KCNB2: variants seen among roughly 807,000 people sequenced by gnomAD.
The protein encoded by KCNB2 is delayed rectifier potassium channel protein.
Under a neutral mutation model 61.5 loss-of-function variants are expected in KCNB2, and 15 were observed. The ratio of observed to expected loss-of-function variants is 0.24; its 90% CI spans 0.16 to 0.38. The LOEUF is 0.38. Ranked by LOEUF, KCNB2 falls within the 10% of genes least tolerant of loss-of-function variation. KCNB2 has a pLI of 1.00. For synonymous variants in KCNB2, 457 were observed against 446.0 expected, an observed-to-expected ratio of 1.02 and a Z score of -0.31; for missense variants, 828 against 1,125.2, an observed-to-expected ratio of 0.74 and a Z score of 3.78.
chr8:72,884,476 T>C (rs942613241), intron 2 of KCNB2, among the ~76,000 whole-genome samples: 3 of 152,128 alleles, frequency 2.0e-5, no homozygotes, highest in African/African-American at 7.2e-5. Context: ...AGTTTGTTAA[T>C]ACCTTGCTTT....
intron 2 of KCNB2, among the ~76,000 whole-genome samples, chr8:72,631,452 A>G (rs1315465671): frequency 6.6e-6 from 1 of 152,066 alleles, no homozygotes; most frequent in African/African-American, 2.4e-5. Context: ...TCATCTTCAC[A>G]TGGTGTTCTT....
At chr8:72,717,326 C>T (rs1299866832) in intron 2 of KCNB2, among the ~76,000 whole-genome samples, 11 of 152,158 alleles carry the variant, frequency 7.2e-5, no homozygotes, top group East Asian at 3.9e-4. Context: ...AAAGTTCATA[C>T]GGAACCAAAA....
chr8:72,932,372 A>G (rs1402151931), intron 2 of KCNB2, among the ~76,000 whole-genome samples: 1 of 152,156 alleles, frequency 6.6e-6, no homozygotes. Flanking sequence ...CTTCCTCTGG[A>G]GCCTCAGTAA....
intron 2 of KCNB2, among the ~76,000 whole-genome samples, chr8:72,667,196 G>A (rs1241177144): frequency 6.6e-6 from 1 of 152,186 alleles, no homozygotes; most frequent in Non-Finnish European, 1.5e-5. Flanking sequence ...ATGGAAAGCA[G>A]ATAATACTGG....
intron 2 of KCNB2, among the ~76,000 whole-genome samples, chr8:72,925,713 A>G (rs1806627195): frequency 1.3e-5 from 2 of 152,230 alleles, no homozygotes; most frequent in Non-Finnish European, 2.9e-5. Context: ...AGGCAGAAAT[A>G]CTATTTGATC....
chr8:72,819,523 G>A (rs115595532), intron 2 of KCNB2, among the ~76,000 whole-genome samples: 228 of 152,148 alleles, frequency 1.5e-3, no homozygotes, highest in African/African-American at 5.2e-3. Flanking sequence ...TATTGTCTCT[G>A]TTGCATGAGA....
chr8:72,572,994 G>A (rs1806738323), intron 2 of KCNB2, among the ~76,000 whole-genome samples: 2 of 152,110 alleles, frequency 1.3e-5, no homozygotes, highest in Admixed American at 6.5e-5. Context: ...GCTGCTGGTG[G>A]CAGATGGGCA....
In KCNB2 at chr8:72,770,553, T is replaced by C. The variant is rs371864510; in HGVS notation, c.580-165382T>C. Reference sequence around the variant, plus strand: ...AGTATTGGAGCATGGTCATGCTATATAAATTTAAACTTGGTGTTTGTCACT... The same window carrying C: ...AGTATTGGAGCATGGTCATGCTATACAAATTTAAACTTGGTGTTTGTCACT... On this transcript the variant is annotated intron_variant, in intron 2 of 2. Transcript: ENST00000523207. Among the ~76,000 whole-genome samples the C allele has an allele frequency of 9.2e-5, 14 of 152,330 alleles. No individual in the cohort carries two copies. The East Asian group carries it at 2.5e-3, about 27-fold the overall frequency.
intron 2 of KCNB2, among the ~76,000 whole-genome samples, chr8:72,666,328 A>T (rs1452530703): frequency 7.4e-6 from 1 of 134,704 alleles, no homozygotes; most frequent in African/African-American, 3.8e-5. Context: ...TCTGCTGCTT[A>T]AAAGAGGGAA....
intron 2 of KCNB2, among the ~76,000 whole-genome samples, chr8:72,772,404 C>T (rs117273359): frequency 9.7e-4 from 148 of 152,316 alleles, no homozygotes; most frequent in Non-Finnish European, 1.7e-3. Flanking sequence ...TTAAATCAGT[C>T]ATTGCTAAAT....
At chr8:72,816,050 G>A (rs530035647) in intron 2 of KCNB2, among the ~76,000 whole-genome samples, 79 of 152,248 alleles carry the variant, frequency 5.2e-4, no homozygotes, top group South Asian at 1.2e-3. Context: ...CTGTAAGTAG[G>A]ACAAATTTTA....
At chr8:72,547,480 A>T (rs2128976976) in intron 1 of KCNB2, among the ~76,000 whole-genome samples, 1 of 152,340 alleles carries the variant, frequency 6.6e-6, no homozygotes, top group South Asian at 2.1e-4. Context: ...TTTGTGATTG[A>T]TGGGAGGAAG....
At chr8:72,713,641 A>C (rs1339880141) in intron 2 of KCNB2, among the ~76,000 whole-genome samples, 1 of 152,230 alleles carries the variant, frequency 6.6e-6, no homozygotes, top group Non-Finnish European at 1.5e-5. Flanking sequence ...AAGGACATCC[A>C]CACCAAAAAC....
At chr8:72,836,763 T>C (rs1809789669) in intron 2 of KCNB2, among the ~76,000 whole-genome samples, 1 of 151,976 alleles carries the variant, frequency 6.6e-6, no homozygotes, top group Non-Finnish European at 1.5e-5. Context: ...ATATAAAAAA[T>C]AGCTGGGCAT....
chr8:72,593,663 A>G (rs1397423420), intron 2 of KCNB2, among the ~76,000 whole-genome samples: 1 of 152,192 alleles, frequency 6.6e-6, no homozygotes, highest in Non-Finnish European at 1.5e-5. Context: ...ATAGGACCAC[A>G]GGGAGTAAGG....
intron 2 of KCNB2, among the ~76,000 whole-genome samples, chr8:72,846,499 T>C (rs1237760667): frequency 6.6e-6 from 1 of 151,918 alleles, no homozygotes; most frequent in Non-Finnish European, 1.5e-5. Context: ...AGAAATTTTT[T>C]ACAATCTACC....
At chr8:72,817,568 T>G (rs1043906378) in intron 2 of KCNB2, among the ~76,000 whole-genome samples, 1 of 152,050 alleles carries the variant, frequency 6.6e-6, no homozygotes, top group African/African-American at 2.4e-5. Flanking sequence ...GGGTGACTGA[T>G]CAGATTTCTA....
chr8:72,932,504 T>C (rs1806807196), intron 2 of KCNB2, among the ~76,000 whole-genome samples: 1 of 152,062 alleles, frequency 6.6e-6, no homozygotes, highest in African/African-American at 2.4e-5. Context: ...CCTGGGGAGT[T>C]TCCTAAGACC....
Position 72,636,952 on chromosome 8 carries a change from C to CCCACAGTTTTGTTATAGAAGAGG in KCNB2, c.579+68641_579+68663dup, listed in dbSNP as rs1805975048. On this transcript the variant is annotated intron_variant, in intron 2 of 2. Coordinates refer to ENST00000523207, the MANE Select transcript of KCNB2 (RefSeq NM_004770.3). The stretch of plus-strand genomic sequence containing the variant: ...ATCTTCTCCCCAAATCAGAGGCAGC[C>CCCACAGTTTTGTTATAGAAGAGG]CCACAGTTTTGTTATAGAAGAGGCT... Among the ~76,000 whole-genome samples the CCCACAGTTTTGTTATAGAAGAGG allele has an allele frequency of 2.6e-5, 4 of 152,236 alleles. No individual in the cohort carries two copies. The South Asian group carries it at 6.2e-4, about 24-fold the overall frequency.
Sources: gnomAD v4.1 joint callset for allele counts (sites outside exome capture counted in the v4.1 genomes callset) on GRCh38, gnomAD v4.1.1 for gene constraint, MANE v1.5 for transcripts, NCBI Gene and HGNC (gene_info 2026-07-23, HGNC 2026-07-21) for gene names.